MINDY4: variants seen among roughly 807,000 people sequenced by gnomAD.
MINDY4 encodes MINDY lysine 48 deubiquitinase 4.
MINDY4 carries 68 observed loss-of-function variants against 87.0 expected under a neutral mutation model. The observed-to-expected ratio is 0.78, with a 90% confidence interval of 0.64 to 0.96. The LOEUF is 0.96. MINDY4 is among the 40% of genes least tolerant of loss of function. The pLI is 0.00. For missense variants in MINDY4, 919 were observed against 928.2 expected, an observed-to-expected ratio of 0.99 and a Z score of 0.13; for synonymous variants, 379 against 363.2, an observed-to-expected ratio of 1.04 and a Z score of -0.50.
At chr7:30,836,595 A>G in intron 6 of MINDY4, 63 bp from the exon 7 acceptor site, 1 of 1,312,178 alleles carries the variant, frequency 7.6e-7, no homozygotes, top group South Asian at 1.2e-5. Flanking sequence ...GTGTTCAGTG[A>G]CTTCATGTTC....
chr7:30,859,340 C>T lies in MINDY4; in HGVS notation c.1745+16C>T, dbSNP rs771791805. 7.4e-6 allele frequency: 12 copies of T among 1,612,718 alleles called. No individual in the cohort carries two copies. The highest frequency in any genetic ancestry group is 9.3e-6 in the Non-Finnish European group (11 of 1,178,918). ...CTACAGAGCTGTGAGTATCTTTCTC[C>T]CTCAACTCCCTGGGGCTGGGCTGGT... On this transcript the variant is annotated intron_variant, in intron 13 of 17. Coordinates refer to ENST00000265299, the MANE Select transcript of MINDY4 (RefSeq NM_032222.3).
intron 1 of MINDY4, among the ~76,000 whole-genome samples, chr7:30,772,393 A>G (rs778932996): frequency 5.9e-5 from 9 of 152,174 alleles, no homozygotes; most frequent in Non-Finnish European, 1.2e-4. Context: ...AGACAATTCA[A>G]ATATTTGCTA....
At position 30,880,696 on chromosome 7, in the gene MINDY4, C is replaced by A. The variant is rs142967420; in HGVS notation, c.1972-1485C>A. On this transcript the variant is annotated intron_variant, in intron 15 of 17. Transcript: ENST00000265299. ...AGTTTACGTGGGGTTTAGGCACGTC[C>A]AGCCACGTCCTGTAAGACATCTAAT... Among the ~76,000 whole-genome samples, 376 of 152,296 alleles carry A rather than the reference C, an allele frequency of 2.5e-3. 1 individual carries two copies. The highest frequency in any genetic ancestry group is 3.8e-3 in the Non-Finnish European group (261 of 68,034).
At chr7:30,842,976 A>C (rs1789087884) in intron 9 of MINDY4, among the ~76,000 whole-genome samples, 1 of 152,118 alleles carries the variant, frequency 6.6e-6, no homozygotes, top group Non-Finnish European at 1.5e-5. Context: ...CCCTGCCTCT[A>C]ATAACTCCAC....
At chr7:30,873,293 G>A (rs1790162224) in intron 14 of MINDY4, among the ~76,000 whole-genome samples, 1 of 152,206 alleles carries the variant, frequency 6.6e-6, no homozygotes, top group African/African-American at 2.4e-5. Context: ...TCCCTTTTCT[G>A]GGGCAGAGAA....
At chr7:30,785,677 G>A in intron 3 of MINDY4, 72 bp from the exon 4 acceptor site, 1 of 1,559,168 alleles carries the variant, frequency 6.4e-7, no homozygotes, top group Non-Finnish European at 8.8e-7. Flanking sequence ...CACATTGAAT[G>A]TGGAATTTGC....
intron 17 of MINDY4, among the ~76,000 whole-genome samples, chr7:30,883,547 A>G (rs1229462000): frequency 6.6e-6 from 1 of 152,112 alleles, no homozygotes; most frequent in African/African-American, 2.4e-5. Context: ...GCCCCTCTGT[A>G]TTTAAGGGGA....
rs985891624 is a variant in MINDY4, at chr7:30,819,940, C to T, written c.1074-8739C>T. Among the ~76,000 whole-genome samples the T allele has an allele frequency of 5.6e-3, 659 of 117,192 alleles. 4 individuals are homozygous for T. The highest frequency in any genetic ancestry group is 0.021 in the African/African-American group (632 of 29,758). The allele number at this position is 117,192 out of a possible 152,430, so 76.9% of individuals were successfully genotyped here. ...TTTTTGAGACGGAGTCTCGCTCTGT[C>T]GCCCAGGCTGGAGTGCAGTGGCGGG... is the stretch of plus-strand genomic sequence containing the variant. On this transcript the variant is annotated intron_variant, in intron 5 of 17. Coordinates refer to ENST00000265299, the MANE Select transcript of MINDY4 (RefSeq NM_032222.3).
chr7:30,842,511 C>T (rs76504996), intron 9 of MINDY4, among the ~76,000 whole-genome samples: 8,111 of 152,240 alleles, frequency 0.053, 361 homozygotes, highest in East Asian at 0.11. Flanking sequence ...CCTACCTACC[C>T]ACCTTCCTTC....
intron 7 of MINDY4, 137 bp from the exon 8 acceptor site, chr7:30,839,057 TAAAAAG>T: frequency 1.8e-6 from 1 of 549,004 alleles, no homozygotes; most frequent in Admixed American, 3.4e-5. Flanking sequence ...GCCTGAAAAA[TAAAAAG>T]AGAAGAGATG....
chr7:30,833,812 G>A (rs1410424601), intron 6 of MINDY4, among the ~76,000 whole-genome samples: 1 of 152,222 alleles, frequency 6.6e-6, no homozygotes, highest in Admixed American at 6.5e-5. Flanking sequence ...CCAAAACAAA[G>A]GGGCCCAGGC....
intron 1 of MINDY4, 71 bp from the exon 2 acceptor site, chr7:30,778,361 T>C (rs1043147421): frequency 3.3e-5 from 52 of 1,599,692 alleles, no homozygotes; most frequent in South Asian, 1.0e-4. Context: ...AGGAATCGTT[T>C]GCTTGTGCTT....
chr7:30,840,197 A>G (rs558077171), intron 8 of MINDY4, among the ~76,000 whole-genome samples: 3 of 152,344 alleles, frequency 2.0e-5, no homozygotes, highest in South Asian at 4.1e-4. Flanking sequence ...CGTGATGCCT[A>G]CAGAGATGAG....
At chr7:30,856,291 G>A (rs1789567761) in intron 12 of MINDY4, among the ~76,000 whole-genome samples, 1 of 152,118 alleles carries the variant, frequency 6.6e-6, no homozygotes, top group African/African-American at 2.4e-5. Context: ...CCCATGTCTT[G>A]GCAGCTTGAA....
At chr7:30,885,828 T>TCC (rs1790618895) in intron 17 of MINDY4, among the ~76,000 whole-genome samples, 1 of 151,134 alleles carries the variant, frequency 6.6e-6, no homozygotes, top group Non-Finnish European at 1.5e-5. Flanking sequence ...TATCCCCTCA[T>TCC]CCCCAGGTCT....
intron 9 of MINDY4, among the ~76,000 whole-genome samples, chr7:30,848,325 A>G (rs558475327): frequency 6.6e-6 from 1 of 152,356 alleles, no homozygotes; most frequent in South Asian, 2.1e-4. Flanking sequence ...GAGATGGAGC[A>G]AAACTGCTGG....
chr7:30,794,109 C>T (rs982468771), intron 5 of MINDY4, among the ~76,000 whole-genome samples: 2 of 152,136 alleles, frequency 1.3e-5, no homozygotes, highest in African/African-American at 4.8e-5. Flanking sequence ...GTGTAGTGCA[C>T]ATACTACACA....
chr7:30,847,822 C>T (rs1449189291), intron 9 of MINDY4, among the ~76,000 whole-genome samples: 1 of 152,208 alleles, frequency 6.6e-6, no homozygotes, highest in African/African-American at 2.4e-5. Flanking sequence ...CCACTGCAGC[C>T]TCCAACTCCT....
In MINDY4 at chr7:30,859,319, A is replaced by T; in HGVS notation, c.1740A>T (p.Thr580=). ...LTLSAILSRS[T]ELIRQDFDVP... ...TTTCTGCCATCCTGTCCAGGTCTAC[A>T]GAGCTGTGAGTATCTTTCTCCCTCA... The change falls in exon 13 of 18, where the codon ACA becomes ACT. Residue 580 remains threonine (T), a synonymous_variant. Coordinates refer to ENST00000265299, the MANE Select transcript of MINDY4 (RefSeq NM_032222.3). 2 of 1,614,120 alleles carry T rather than the reference A, an allele frequency of 1.2e-6. No individual in the cohort carries two copies. The highest frequency in any genetic ancestry group is 2.2e-5 in the South Asian group (2 of 91,084).
Sources: allele counts gnomAD v4.1 joint callset (sites outside exome capture counted in the v4.1 genomes callset), GRCh38; gene constraint gnomAD v4.1.1; transcripts MANE v1.5; gene names NCBI Gene and HGNC (gene_info 2026-07-23, HGNC 2026-07-21).